The following GNAQ variants were observed in gnomAD, a reference collection of about 807,000 sequenced individuals.
GNAQ encodes the protein guanine nucleotide-binding protein G(q) subunit alpha.
A neutral mutation model predicts 43.9 loss-of-function variants in GNAQ; 8 were observed. The ratio of observed to expected loss-of-function variants is 0.18; its 90% CI spans 0.11 to 0.33. GNAQ has a LOEUF of 0.33. Among genes scored for constraint, GNAQ ranks in the 10% least tolerant of loss-of-function variants. The pLI is 1.00. For synonymous variants in GNAQ, 155 were observed against 170.7 expected, an observed-to-expected ratio of 0.91 and a Z score of 0.71; for missense variants, 158 against 450.8, an observed-to-expected ratio of 0.35 and a Z score of 5.88.
chr9:77,856,682 T>C (rs78254662), intron 2 of GNAQ, among the ~76,000 whole-genome samples: 2,309 of 152,302 alleles, frequency 0.015, 51 homozygotes, highest in African/African-American at 0.053. Flanking sequence ...GAAACTTCTT[T>C]GTAAGTAATT....
At chr9:77,956,155 C>G (rs1013053869) in intron 1 of GNAQ, among the ~76,000 whole-genome samples, 2 of 152,046 alleles carry the variant, frequency 1.3e-5, no homozygotes, top group Admixed American at 1.3e-4. Context: ...TATATATGTT[C>G]ATTAGTGTAA....
intron 2 of GNAQ, among the ~76,000 whole-genome samples, chr9:77,879,029 G>C (rs1194718808): frequency 1.3e-5 from 2 of 151,826 alleles, no homozygotes; most frequent in African/African-American, 4.8e-5. Flanking sequence ...CTGGGTGACA[G>C]AGCAAGACTG....
chr9:78,009,010 A>T (rs914142439), intron 1 of GNAQ, among the ~76,000 whole-genome samples: 41 of 152,324 alleles, frequency 2.7e-4, no homozygotes, highest in Admixed American at 2.7e-3. Flanking sequence ...AAGTATACAG[A>T]TTTCTAAGTT....
At chr9:77,832,865 C>T (rs1827322904) in intron 2 of GNAQ, among the ~76,000 whole-genome samples, 1 of 152,208 alleles carries the variant, frequency 6.6e-6, no homozygotes, top group Non-Finnish European at 1.5e-5. Context: ...TGGCCAGACA[C>T]ACACAAGCTG....
At chr9:77,986,796 C>T (rs1469030333) in intron 1 of GNAQ, among the ~76,000 whole-genome samples, 3 of 145,874 alleles carry the variant, frequency 2.1e-5, no homozygotes, top group African/African-American at 7.7e-5. Flanking sequence ...AGCCATGGCA[C>T]CTGGCCCTTT....
intron 2 of GNAQ, among the ~76,000 whole-genome samples, chr9:77,892,750 CA>C (rs1828425232): frequency 6.6e-6 from 1 of 152,114 alleles, no homozygotes; most frequent in African/African-American, 2.4e-5. Context: ...ATTTATAGGG[CA>C]CAGATAAGAA....
chr9:77,862,421 C>G (rs549183731), intron 2 of GNAQ, among the ~76,000 whole-genome samples: 1 of 152,186 alleles, frequency 6.6e-6, no homozygotes, highest in African/African-American at 2.4e-5. Flanking sequence ...TTCTTGACTT[C>G]TGTGCACATG....
chr9:77,750,557 T>G (rs1424683298), intron 5 of GNAQ, among the ~76,000 whole-genome samples: 4 of 152,160 alleles, frequency 2.6e-5, no homozygotes, highest in Non-Finnish European at 5.9e-5. Flanking sequence ...TAACCTCCAT[T>G]CCAGCCAAAT....
chr9:77,829,078 G>A (rs1028881656), intron 2 of GNAQ, among the ~76,000 whole-genome samples: 6 of 152,074 alleles, frequency 3.9e-5, no homozygotes, highest in Non-Finnish European at 8.8e-5. Flanking sequence ...AGAGCTGCTG[G>A]GGCCATTCAT....
rs530321133 is a variant in GNAQ, at chr9:77,998,802, A to G, written c.136+32298T>C. ...TAATAACCACTGCAATAAGACTTAA[A>G]AGGGCCGGGCACGGTGGCTCAAACC... On this transcript the variant is annotated intron_variant, in intron 1 of 6. Coordinates refer to ENST00000286548, the MANE Select transcript of GNAQ (RefSeq NM_002072.5). Among the ~76,000 whole-genome samples, 8 of 152,208 alleles carry G rather than the reference A, an allele frequency of 5.3e-5. No homozygotes were observed. The East Asian group carries it at 1.2e-3, about 22-fold the overall frequency.
rs534671779 is a variant in GNAQ at position 77,716,486 on chromosome 9, G to T, written c.*4837C>A. On this transcript the variant is annotated 3_prime_UTR_variant, in exon 7 of 7. Coordinates refer to ENST00000286548, the MANE Select transcript of GNAQ (RefSeq NM_002072.5). ...CCCTAAATACATAGGTCTAGTAAGG[G>T]TTTCCAACAGGATGATGGGTGAGGA... The T allele has an allele frequency of 2.1e-5, 5 of 232,666 alleles. No individual in the cohort carries two copies. Among genetic ancestry groups the T allele is most frequent in the Non-Finnish European group, 3.4e-5 (4 of 117,798 alleles). The allele number at this position is 232,666 out of a possible 1,614,324, so 14.4% of individuals were successfully genotyped here.
chr9:77,735,704 A>T (rs1825568079), intron 5 of GNAQ, among the ~76,000 whole-genome samples: 1 of 152,192 alleles, frequency 6.6e-6, no homozygotes, highest in Non-Finnish European at 1.5e-5. Context: ...AGAGGAAAAA[A>T]GTACAGGAAT....
At chr9:77,987,724 G>A (rs1009726626) in intron 1 of GNAQ, among the ~76,000 whole-genome samples, 2 of 152,074 alleles carry the variant, frequency 1.3e-5, no homozygotes, top group African/African-American at 4.8e-5. Flanking sequence ...GAAAATAAAT[G>A]TACAGTACAT....
chr9:77,884,846 A>G (rs1828276307), intron 2 of GNAQ, among the ~76,000 whole-genome samples: 2 of 152,258 alleles, frequency 1.3e-5, no homozygotes, highest in African/African-American at 4.8e-5. Context: ...AAACTGGTCA[A>G]GAATCAGCAA....
At chr9:77,914,075 T>C (rs1000631040) in intron 2 of GNAQ, among the ~76,000 whole-genome samples, 3 of 152,076 alleles carry the variant, frequency 2.0e-5, no homozygotes, top group Non-Finnish European at 4.4e-5. Flanking sequence ...ATTTTAAATA[T>C]CTCATATTCA....
intron 1 of GNAQ, among the ~76,000 whole-genome samples, chr9:78,021,352 T>G (rs934693317): frequency 1.3e-5 from 2 of 152,204 alleles, no homozygotes; most frequent in Admixed American, 1.3e-4. Flanking sequence ...GTTTCTCTGA[T>G]CATGGTCATA....
intron 6 of GNAQ, among the ~76,000 whole-genome samples, chr9:77,725,106 C>G (rs1466567842): frequency 1.3e-5 from 2 of 151,152 alleles, no homozygotes; most frequent in Admixed American, 1.3e-4. Context: ...TTTATTTACC[C>G]TACAGAATAT....
chr9:77,835,177 A>G (rs1031430036), intron 2 of GNAQ, among the ~76,000 whole-genome samples: 5 of 152,116 alleles, frequency 3.3e-5, no homozygotes, highest in Non-Finnish European at 5.9e-5. Flanking sequence ...ACAGCATGCA[A>G]TTTAAAACTT....
rs1825300135 is a variant in GNAQ at position 77,720,913 on chromosome 9, C to T, written c.*410G>A. ...GGAACTAGGATAAAGGCCATTGTAA[C>T]CTGGGAAAAACATCAGGAGGGAGGT... On this transcript the variant is annotated 3_prime_UTR_variant, in exon 7 of 7. Transcript: ENST00000286548. The T allele has an allele frequency of 4.2e-6, 1 of 239,274 alleles. No individual in the cohort carries two copies. The highest frequency in any genetic ancestry group is 2.2e-5 in the African/African-American group (1 of 45,376). 14.8% of individuals were successfully genotyped at this position (239,274 alleles called of 1,614,324 possible). A position where few individuals can be genotyped will look rare whatever the true frequency, so the allele number is the denominator to read the frequency against.
Sources: gnomAD v4.1 joint callset for allele counts (sites outside exome capture counted in the v4.1 genomes callset) on GRCh38, gnomAD v4.1.1 for gene constraint, MANE v1.5 for transcripts, NCBI Gene and HGNC (gene_info 2026-07-23, HGNC 2026-07-21) for gene names.